The following PIK3C2A variants were observed in gnomAD, a reference collection of about 807,000 sequenced individuals.
PIK3C2A encodes phosphatidylinositol-4-phosphate 3-kinase catalytic subunit type 2 alpha.
A neutral mutation model predicts 204.5 loss-of-function variants in PIK3C2A; 97 were observed. That is an observed-to-expected ratio of 0.47 (90% CI 0.40 to 0.56). The LOEUF is 0.56. Among genes scored for constraint, PIK3C2A ranks in the 20% least tolerant of loss-of-function variants. The pLI is 0.00. For synonymous variants in PIK3C2A, 653 were observed against 664.4 expected, an observed-to-expected ratio of 0.98 and a Z score of 0.26; for missense variants, 1,735 against 1,969.2, an observed-to-expected ratio of 0.88 and a Z score of 2.25.
At chr11:17,184,460 T>TA (rs1489931770) in intron 1 of PIK3C2A, among the ~76,000 whole-genome samples, 11 of 151,436 alleles carry the variant, frequency 7.3e-5, no homozygotes, top group East Asian at 1.9e-4. Context: ...GTTTACAAAG[T>TA]AAAAAAAAAT....
intron 1 of PIK3C2A, among the ~76,000 whole-genome samples, chr11:17,202,888 A>G (rs764097421): frequency 1.6e-4 from 24 of 152,340 alleles, no homozygotes; most frequent in African/African-American, 5.5e-4. Flanking sequence ...CACATCAGTC[A>G]TATCAATAAT....
intron 5 of PIK3C2A, among the ~76,000 whole-genome samples, chr11:17,147,921 T>C (rs1309031024): frequency 6.6e-6 from 1 of 152,102 alleles, no homozygotes; most frequent in African/African-American, 2.4e-5. Flanking sequence ...AAATGCTAGA[T>C]ATAATGAATT....
chr11:17,094,780 CT>C (rs1479004041), intron 27 of PIK3C2A, among the ~76,000 whole-genome samples: 6 of 152,148 alleles, frequency 3.9e-5, no homozygotes, highest in Non-Finnish European at 7.4e-5. Flanking sequence ...AAAAAACCTC[CT>C]TTCCTGACAG....
chr11:17,110,842 C>T (rs189361413), intron 21 of PIK3C2A, among the ~76,000 whole-genome samples: 45 of 152,202 alleles, frequency 3.0e-4, no homozygotes, highest in Non-Finnish European at 4.4e-5. Flanking sequence ...TATCTCAGTT[C>T]CCTGAACTGT....
rs1849312688 is a variant in PIK3C2A, at chr11:17,119,732, C to T, written c.2846+54G>A. ...GAAAGGAAATACTTCTGGCAACATA[C>T]CTTACTGGAAAAACTGACAATAAAA... is the stretch of plus-strand genomic sequence containing the variant. On this transcript the variant is annotated intron_variant, in intron 16 of 32. Transcript: ENST00000691414. 6 of 1,103,808 alleles carry T rather than the reference C, an allele frequency of 5.4e-6. No homozygotes were observed. In the South Asian group the frequency reaches 6.7e-5, roughly 12 times the overall value. The allele number at this position is 1,103,808 out of a possible 1,614,324, so 68.4% of individuals were successfully genotyped here.
At chr11:17,133,234 T>C (rs1357353492) in intron 11 of PIK3C2A, among the ~76,000 whole-genome samples, 1 of 152,166 alleles carries the variant, frequency 6.6e-6, no homozygotes, top group Non-Finnish European at 1.5e-5. Flanking sequence ...TTAGTGTCCC[T>C]ATGTATATTT....
In PIK3C2A at chr11:17,136,536, T is replaced by C. The variant is rs1432954818; in HGVS notation, c.1794A>G (p.Glu598=). The C allele has an allele frequency of 6.2e-7, 1 of 1,606,874 alleles. No homozygotes were observed. Among genetic ancestry groups the C allele is most frequent in the Non-Finnish European group, 8.5e-7 (1 of 1,173,706 alleles). ...CTGCTCTCTTTAGCTTCTTTACTGATTCTGTAATGGCAAGAGTCTCGACAC... is the reference window on the plus strand; with the variant it reads ...CTGCTCTCTTTAGCTTCTTTACTGACTCTGTAATGGCAAGAGTCTCGACAC... The part of the protein sequence containing the change: ...LDGVETLAIT[E]SVKKLKRAVN... The change falls in exon 9 of 33, where the codon GAA becomes GAG. Residue 598 remains glutamate (E), a synonymous_variant. Coordinates refer to ENST00000691414, the MANE Select transcript of PIK3C2A (RefSeq NM_002645.4).
rs1461407620 is a variant in PIK3C2A, at chr11:17,147,974, T to C, written c.1449-346A>G. Among the ~76,000 whole-genome samples, 6 of 152,168 alleles carry C rather than the reference T, an allele frequency of 3.9e-5. No homozygotes were observed. The East Asian group carries it at 1.2e-3, about 29-fold the overall frequency. ...GGCTGACACCTGTAATCCCAGCACTTTGGGAGGCCGAGGCGGGTGGATCAC... is the reference window on the plus strand; with the variant it reads ...GGCTGACACCTGTAATCCCAGCACTCTGGGAGGCCGAGGCGGGTGGATCAC... On this transcript the variant is annotated intron_variant, in intron 5 of 32. Coordinates refer to ENST00000691414, the MANE Select transcript of PIK3C2A (RefSeq NM_002645.4).
chr11:17,166,220 TTC>T (rs1850941928), intron 2 of PIK3C2A, among the ~76,000 whole-genome samples: 1 of 152,228 alleles, frequency 6.6e-6, no homozygotes, highest in Admixed American at 6.5e-5. Flanking sequence ...CTTGTGAGCT[TTC>T]TGTCTCAGTG....
intron 9 of PIK3C2A, 86 bp downstream of exon 9, chr11:17,136,396 C>A: frequency 1.0e-6 from 1 of 991,776 alleles, no homozygotes; most frequent in Non-Finnish European, 1.5e-6. Flanking sequence ...GTTAAAATGA[C>A]AATATTTTGT....
chr11:17,117,177 T>C lies in PIK3C2A; in HGVS notation c.3216+314A>G, dbSNP rs185734518. On this transcript the variant is annotated intron_variant, in intron 19 of 32. Coordinates refer to ENST00000691414, the MANE Select transcript of PIK3C2A (RefSeq NM_002645.4). ...GGGAGGGGAAAATGGGGACATGCTTTCTTTTTGGTGTGATGAAAATACTGT... is the reference window on the plus strand; with the variant it reads ...GGGAGGGGAAAATGGGGACATGCTTCCTTTTTGGTGTGATGAAAATACTGT... 2.3e-4 allele frequency among the ~76,000 whole-genome samples: 35 copies of C among 152,318 alleles called. 1 individual carries two copies. The highest frequency in any genetic ancestry group is 7.5e-4 in the African/African-American group (31 of 41,564).
intron 28 of PIK3C2A, among the ~76,000 whole-genome samples, chr11:17,092,783 TA>T (rs1848345850): frequency 6.6e-6 from 1 of 152,234 alleles, no homozygotes; most frequent in Non-Finnish European, 1.5e-5. Context: ...GTTGATTTCC[TA>T]TATTTATTAT....
At chr11:17,119,462 A>G in intron 16 of PIK3C2A, 149 bp from the exon 17 acceptor site, 1 of 650,348 alleles carries the variant, frequency 1.5e-6, no homozygotes, top group African/African-American at 1.9e-5. Flanking sequence ...TTTTTGTAAG[A>G]AGACAATCTT....
intron 7 of PIK3C2A, 27 bp downstream of exon 7, chr11:17,145,836 C>T: frequency 6.3e-7 from 1 of 1,599,048 alleles, no homozygotes; most frequent in Non-Finnish European, 8.6e-7. Flanking sequence ...GTCTGAAAAC[C>T]TGCAATTAAT....
At chr11:17,148,191 G>A (rs1456060358) in intron 5 of PIK3C2A, 1 of 144,618 alleles carries the variant, frequency 6.9e-6, no homozygotes, top group Non-Finnish European at 1.5e-5. Context: ...CCTGGGTAAC[G>A]AGTGAAACTC....
intron 5 of PIK3C2A, 106 bp downstream of exon 5, chr11:17,148,561 G>C (rs1174300935): frequency 9.3e-5 from 82 of 877,912 alleles, no homozygotes; most frequent in Non-Finnish European, 1.3e-4. Flanking sequence ...CAATTCAATA[G>C]GATCCAATGT....
chr11:17,115,681 T>C (rs1249782565), intron 19 of PIK3C2A: 6 of 152,222 alleles, frequency 3.9e-5, no homozygotes, highest in Non-Finnish European at 4.4e-5. Flanking sequence ...CTTCACGAAT[T>C]TGCATGTCAT....
rs35384397 is a variant in PIK3C2A at position 17,165,782 on chromosome 11, G to GA, written c.1065+2894dup. ...AAGAGAGAAACTGTCTCAAAAAAGTGAAAAAAAAAAAAAAAAAAAAAAAAA... is the reference window on the plus strand; with the variant it reads ...AAGAGAGAAACTGTCTCAAAAAAGTGAAAAAAAAAAAAAAAAAAAAAAAAAA... On this transcript the variant is annotated intron_variant, in intron 2 of 32. Coordinates refer to ENST00000691414, the MANE Select transcript of PIK3C2A (RefSeq NM_002645.4). Among the ~76,000 whole-genome samples the GA allele has an allele frequency of 3.8e-4, 30 of 78,844 alleles. 1 individual carries two copies. The East Asian group carries it at 0.011, about 29-fold the overall frequency. 51.7% of individuals were successfully genotyped at this position (78,844 alleles called of 152,430 possible).
chr11:17,156,003 C>T (rs1490474707), intron 2 of PIK3C2A, among the ~76,000 whole-genome samples: 2 of 152,164 alleles, frequency 1.3e-5, no homozygotes. Context: ...TGGGACTCTT[C>T]TAATCAGCCA....
Sources: allele counts gnomAD v4.1 joint callset (sites outside exome capture counted in the v4.1 genomes callset), GRCh38; gene constraint gnomAD v4.1.1; transcripts MANE v1.5; gene names NCBI Gene and HGNC (gene_info 2026-07-23, HGNC 2026-07-21).